The following OSBPL2 variants were observed in gnomAD, a reference collection of about 807,000 sequenced individuals.
OSBPL2 encodes oxysterol binding protein like 2, also known as oxysterol-binding protein-related protein 2.
Under a neutral mutation model 58.4 loss-of-function variants are expected in OSBPL2, and 18 were observed. The ratio of observed to expected loss-of-function variants is 0.31; its 90% CI spans 0.21 to 0.46. The LOEUF is 0.46. OSBPL2 is among the 20% of genes least tolerant of loss of function. The pLI is 1.00. For missense variants in OSBPL2, 461 were observed against 616.5 expected (o/e 0.75, Z 2.67); for synonymous variants, 221 against 234.1 (o/e 0.94, Z 0.51).
In OSBPL2 at chr20:62,279,263, A is replaced by G. The variant is rs377525202; in HGVS notation, c.598A>G (p.Ile200Val). ...CCATGACTTCCTGTTCCATGGCTCC[A>G]TCTACCCCAAGCTCAAGTTCTGGGG... is the stretch of plus-strand genomic sequence containing the variant. Reference protein sequence around the residue: ...LNHDFLFHGSIYPKLKFWGKS... With the variant: ...LNHDFLFHGSVYPKLKFWGKS... Residue 200 changes from isoleucine (I) to valine (V), a missense_variant, in exon 7 of 14, where the codon ATC becomes GTC. Physicochemically the swap from Ile to Val is conservative, Grantham distance 29. Transcript: ENST00000313733. 1.1e-4 allele frequency: 185 copies of G among 1,614,102 alleles called. 1 individual carries two copies. Among genetic ancestry groups the G allele is most frequent in the Admixed American group, 8.5e-4 (51 of 60,012 alleles).
chr20:62,257,874 C>G (rs566937061), intron 2 of OSBPL2, among the ~76,000 whole-genome samples: 1 of 152,254 alleles, frequency 6.6e-6, no homozygotes, highest in Non-Finnish European at 1.5e-5. Flanking sequence ...ACCACCACGC[C>G]TGGCTAATTT....
chr20:62,271,810 G>A, intron 4 of OSBPL2: 1 of 299,886 alleles, frequency 3.3e-6, no homozygotes, highest in South Asian at 5.4e-5. Context: ...GGGGGCGCAG[G>A]TGGGCCCAAG....
rs1207175728 is a variant in OSBPL2 at position 62,295,254 on chromosome 20, G to A, written c.*1367G>A. The A allele has an allele frequency of 6.6e-6, 1 of 151,798 alleles. No individual in the cohort carries two copies. The highest frequency in any genetic ancestry group is 2.4e-5 in the African/African-American group (1 of 41,390). The allele number at this position is 151,798 out of a possible 1,614,324, so 9.4% of individuals were successfully genotyped here. On this transcript the variant is annotated 3_prime_UTR_variant, in exon 14 of 14. Transcript: ENST00000313733. This position sits in a 1 kb window ranked among gnomAD's most constrained non-coding sequence, Gnocchi z 4.8. ...GGCGTGAGCCACTGCGCCTGGCCGT[G>A]ACTGATTTTTTTTCATGTAGAATTG...
Position 62,280,951 on chromosome 20 carries a change from C to G in OSBPL2, c.675-107C>G. On this transcript the variant is annotated intron_variant, in intron 7 of 13. Coordinates refer to ENST00000313733, the MANE Select transcript of OSBPL2 (RefSeq NM_144498.4). ...TTCAAAGCAGCGTGCTGCTCTCCCG[C>G]GGGTGCCGGTTGCTGTGACCCAGCC... 6 of 780,128 alleles carry G rather than the reference C, an allele frequency of 7.7e-6. No homozygotes were observed. In the Admixed American group the frequency reaches 1.1e-4, roughly 14 times the overall value. 48.3% of individuals were successfully genotyped at this position (780,128 alleles called of 1,614,324 possible).
At chr20:62,275,753 C>T (rs1388926829) in intron 6 of OSBPL2, among the ~76,000 whole-genome samples, 1 of 151,982 alleles carries the variant, frequency 6.6e-6, no homozygotes, top group Non-Finnish European at 1.5e-5. Context: ...CAGTCCAAGT[C>T]ATAGTTTCAT....
intron 1 of OSBPL2, among the ~76,000 whole-genome samples, chr20:62,240,101 C>T (rs1299586366): frequency 6.6e-6 from 1 of 152,194 alleles, no homozygotes; most frequent in Non-Finnish European, 1.5e-5. Context: ...GATCCGCCTG[C>T]CTCAGCCTCC....
rs1014641970 is a variant in OSBPL2 at position 62,269,941 on chromosome 20, G to T, written c.259-2184G>T. Among the ~76,000 whole-genome samples, 3 of 152,210 alleles carry T rather than the reference G, an allele frequency of 2.0e-5. No individual in the cohort carries two copies. The highest frequency in any genetic ancestry group is 4.4e-5 in the Non-Finnish European group (3 of 68,038). ...GTCCAGTGCCATCTGGGGCCTGCTC[G>T]CCCCTGCAGCAGCCTGAGCCGCAGG... On this transcript the variant is annotated intron_variant, in intron 4 of 13. Coordinates refer to ENST00000313733, the MANE Select transcript of OSBPL2 (RefSeq NM_144498.4). The surrounding 1 kb of genome is among the most constrained non-coding windows in gnomAD (Gnocchi z 4.2).
chr20:62,294,658 C>G lies in OSBPL2; in HGVS notation c.*771C>G, dbSNP rs1360312164. On this transcript the variant is annotated 3_prime_UTR_variant, in exon 14 of 14. Transcript: ENST00000313733. ...CCTCAGAGGCGTCCCGGCTGCGATTCGCTGCCCTGTTGTCAGTGAGGCCTG... is the reference window on the plus strand; with the variant it reads ...CCTCAGAGGCGTCCCGGCTGCGATTGGCTGCCCTGTTGTCAGTGAGGCCTG... The G allele has an allele frequency of 6.6e-6, 1 of 152,372 alleles. No homozygotes were observed. The highest frequency in any genetic ancestry group is 1.5e-5 in the Non-Finnish European group (1 of 68,072). 9.4% of individuals were successfully genotyped at this position (152,372 alleles called of 1,614,324 possible).
intron 4 of OSBPL2, among the ~76,000 whole-genome samples, chr20:62,266,315 A>C (rs1261459975): frequency 6.6e-6 from 1 of 152,100 alleles, no homozygotes; most frequent in Non-Finnish European, 1.5e-5. Context: ...CTTACACTTC[A>C]CTTTGAAACA....
At chr20:62,276,847 T>C (rs1033703284) in intron 6 of OSBPL2, among the ~76,000 whole-genome samples, 5 of 152,242 alleles carry the variant, frequency 3.3e-5, no homozygotes, top group African/African-American at 1.2e-4. Context: ...TCTTGAGCAG[T>C]ATTCCTGTTG....
At chr20:62,264,371 C>CT (rs1433142057) in intron 4 of OSBPL2, among the ~76,000 whole-genome samples, 2 of 152,166 alleles carry the variant, frequency 1.3e-5, no homozygotes, top group African/African-American at 2.4e-5. Flanking sequence ...CAGACTTTCC[C>CT]TTTCATGATC....
chr20:62,287,805 G>A (rs905403148), intron 11 of OSBPL2, among the ~76,000 whole-genome samples: 28 of 151,866 alleles, frequency 1.8e-4, no homozygotes, highest in African/African-American at 6.8e-4. Context: ...AATTGCGTAT[G>A]TTTTTTTTCA....
At chr20:62,293,745 G>A in intron 13 of OSBPL2, 40 bp from the exon 14 acceptor site, 4 of 1,596,510 alleles carry the variant, frequency 2.5e-6, no homozygotes, top group Non-Finnish European at 3.4e-6. Context: ...TTTCCTTTTG[G>A]GCTGAGCATC....
chr20:62,251,656 C>T (rs1980553263), intron 1 of OSBPL2, among the ~76,000 whole-genome samples: 1 of 151,922 alleles, frequency 6.6e-6, no homozygotes, highest in South Asian at 2.1e-4. Flanking sequence ...GATCCGCCTG[C>T]CTCGGCCTCC....
chr20:62,253,047 C>CT, intron 1 of OSBPL2, among the ~76,000 whole-genome samples: 1 of 152,356 alleles, frequency 6.6e-6, no homozygotes, highest in Non-Finnish European at 1.5e-5. Flanking sequence ...CTGGACAAAC[C>CT]TGGGCTCAGT....
rs71195434 is a variant in OSBPL2 at position 62,253,500 on chromosome 20, A to AGC, written c.-128-2556_-128-2555dup. On this transcript the variant is annotated intron_variant, in intron 1 of 13. Coordinates refer to ENST00000313733, the MANE Select transcript of OSBPL2 (RefSeq NM_144498.4). ...GGTTCATCCTGAGTCATTCGGTGAG[A>AGC]GCCCCTGGCGTAGCCTGTGTTGTGC... Among the ~76,000 whole-genome samples, 448 of 151,892 alleles carry AGC rather than the reference A, an allele frequency of 2.9e-3. 1 individual carries two copies. The highest frequency in any genetic ancestry group is 4.6e-3 in the Non-Finnish European group (311 of 67,980).
chr20:62,270,630 A>AGTCCTCTCCTTGTC (rs751192475), intron 4 of OSBPL2, among the ~76,000 whole-genome samples: 1 of 6,324 alleles, frequency 1.6e-4, no homozygotes. Context: ...GTCCTCTCTG[A>AGTCCTCTCCTTGTC]CCTCTCTGGG....
At chr20:62,240,199 G>A (rs1022671867) in intron 1 of OSBPL2, among the ~76,000 whole-genome samples, 2 of 151,992 alleles carry the variant, frequency 1.3e-5, no homozygotes, top group East Asian at 1.9e-4. Flanking sequence ...TGCGCACCCC[G>A]GAATGCCAGT....
At chr20:62,291,467 G>A (rs1193130784) in intron 12 of OSBPL2, 2 of 534,552 alleles carry the variant, frequency 3.7e-6, no homozygotes, top group East Asian at 3.4e-5. Context: ...CGTAGAACAC[G>A]CAGCACATGC....
Sources: allele counts gnomAD v4.1 joint callset (sites outside exome capture counted in the v4.1 genomes callset), GRCh38; gene constraint gnomAD v4.1.1; non-coding constraint Gnocchi (gnomAD v3.1); transcripts MANE v1.5; gene names NCBI Gene and HGNC (gene_info 2026-07-23, HGNC 2026-07-21).